DDX60L: variants seen among roughly 807,000 people sequenced by gnomAD.
The protein encoded by DDX60L is DExD/H-box 60 like.
In DDX60L, 191 loss-of-function variants were observed where a neutral mutation model predicts 211.6. That is an observed-to-expected ratio of 0.90 (90% CI 0.80 to 1.02). The LOEUF is 1.02. DDX60L is among the 50% of genes least tolerant of loss of function. DDX60L has a pLI of 0.00. For synonymous variants in DDX60L, 706 were observed against 694.1 expected (o/e 1.02, Z -0.27); for missense variants, 2,007 against 1,984.1 (o/e 1.01, Z -0.22).
rs756392404 is a variant in DDX60L at position 168,394,606 on chromosome 4, C to A, written c.3669G>T (p.Arg1223Ser). 28 of 1,599,294 alleles carry A rather than the reference C, an allele frequency of 1.8e-5. No homozygotes were observed. The highest frequency in any genetic ancestry group is 2.3e-5 in the Non-Finnish European group (27 of 1,176,106). ...TTGTAAATCGCACTCGCGGTAATAC[C>A]CTCTCCAAAGTCTAAAACAAGAAAG... Reference protein sequence around the residue: ...ITRNKDSTLERVLPRVRFTRH... With the variant: ...ITRNKDSTLESVLPRVRFTRH... Residue 1223 changes from arginine to serine, a missense_variant, in exon 28 of 38, where the codon AGG becomes AGT. By Grantham distance (110) the Arg-to-Ser change is moderately radical. Coordinates refer to ENST00000682922, the MANE Select transcript of DDX60L (RefSeq NM_001012967.3).
intron 29 of DDX60L, among the ~76,000 whole-genome samples, chr4:168,389,284 G>A (rs957185847): frequency 3.3e-5 from 5 of 152,114 alleles, no homozygotes; most frequent in Admixed American, 6.6e-5. Context: ...CCATTTGAGG[G>A]AATATATAAA....
chr4:168,369,485 A>AC (rs1053182284), intron 36 of DDX60L, among the ~76,000 whole-genome samples: 2 of 58,022 alleles, frequency 3.4e-5, no homozygotes, highest in African/African-American at 1.7e-4. Flanking sequence ...AAAAAAAACA[A>AC]AAAAAAAAAA....
intron 1 of DDX60L, among the ~76,000 whole-genome samples, chr4:168,476,384 T>A (rs970911139): frequency 6.6e-6 from 1 of 152,148 alleles, no homozygotes; most frequent in Admixed American, 6.5e-5. Flanking sequence ...CAATGAATAC[T>A]AATACCATAA....
chr4:168,426,465 T>C (rs996538272), intron 14 of DDX60L, among the ~76,000 whole-genome samples: 1 of 151,794 alleles, frequency 6.6e-6, no homozygotes, highest in African/African-American at 2.4e-5. Flanking sequence ...AAATATTTTA[T>C]AATGGGTCTC....
intron 36 of DDX60L, among the ~76,000 whole-genome samples, chr4:168,363,660 A>T (rs78891995): frequency 6.6e-6 from 1 of 152,212 alleles, no homozygotes; most frequent in South Asian, 2.1e-4. Context: ...AAGACTCTTT[A>T]TGTTAGCACA....
chr4:168,419,584 GCTT>G (rs568139544), intron 18 of DDX60L, among the ~76,000 whole-genome samples, 187 bp from the exon 19 acceptor site: 1 of 152,136 alleles, frequency 6.6e-6, no homozygotes, highest in Non-Finnish European at 1.5e-5. Flanking sequence ...ATGAAAAAGA[GCTT>G]CTACTCTGTA....
At position 168,427,093 on chromosome 4, in the gene DDX60L, C is replaced by T; in HGVS notation, c.1907G>A (p.Trp636Ter). Residue 636 changes from tryptophan (W) to a stop codon, truncating the protein, a stop_gained, in exon 14 of 38, where the codon TGG becomes TAG. Coordinates refer to ENST00000682922, the MANE Select transcript of DDX60L (RefSeq NM_001012967.3). LOFTEE classifies it high-confidence loss of function. ...ACCTTCACCTCGGCAATGTTTTTTCCATGCTTTAAAGCAGGCAATTAATCC... is the reference window on the plus strand; with the variant it reads ...ACCTTCACCTCGGCAATGTTTTTTCTATGCTTTAAAGCAGGCAATTAATCC... The part of the protein sequence containing the change: ...MLGLIACFKA[W>*]KKHCRGEGKI... 1 of 1,604,894 alleles carries T rather than the reference C, an allele frequency of 6.2e-7. No individual in the cohort carries two copies. The highest frequency in any genetic ancestry group is 8.5e-7 in the Non-Finnish European group (1 of 1,174,762).
Position 168,453,174 on chromosome 4 carries a change from G to C in DDX60L, c.946C>G (p.Arg316Gly), listed in dbSNP as rs545249227. The change falls in exon 8 of 38, where the codon CGA becomes GGA. Residue 316 changes from arginine to glycine, a missense_variant. By Grantham distance (125) the Arg-to-Gly change is moderately radical (BLOSUM62 -2). Transcript: ENST00000682922. ...HLPLSQRACSRVITCSWIRNS... is the reference protein window; with the variant it reads ...HLPLSQRACSGVITCSWIRNS... ...CTAATCCAAGAGCATGTGATGACTC[G>C]AGAACAAGCTCTCTGAGAAAGGGGT... The C allele has an allele frequency of 6.2e-7, 1 of 1,613,192 alleles. No homozygotes were observed. The highest frequency in any genetic ancestry group is 1.7e-5 in the Admixed American group (1 of 59,876).
At chr4:168,366,441 T>C (rs1272768155) in intron 36 of DDX60L, among the ~76,000 whole-genome samples, 1 of 152,036 alleles carries the variant, frequency 6.6e-6, no homozygotes, top group Non-Finnish European at 1.5e-5. Flanking sequence ...AAAAGATCTC[T>C]ACACTGAAAA....
chr4:168,442,309 G>A (rs1360502322), intron 9 of DDX60L, among the ~76,000 whole-genome samples: 5 of 152,262 alleles, frequency 3.3e-5, no homozygotes, highest in South Asian at 4.1e-4. Flanking sequence ...CTTAAAAAAC[G>A]GCGCACCACG....
chr4:168,370,527 G>A (rs1740818723), intron 36 of DDX60L, among the ~76,000 whole-genome samples: 2 of 151,998 alleles, frequency 1.3e-5, no homozygotes, highest in African/African-American at 4.8e-5. Flanking sequence ...GCACAGTAAG[G>A]TACGTATAGT....
chr4:168,369,498 A>G (rs1740606439), intron 36 of DDX60L, among the ~76,000 whole-genome samples: 1 of 151,492 alleles, frequency 6.6e-6, no homozygotes, highest in Non-Finnish European at 1.5e-5. Flanking sequence ...AAAAAAAAAC[A>G]GCAGAAAAAC....
chr4:168,452,342 T>C (rs551877624), intron 8 of DDX60L, among the ~76,000 whole-genome samples: 23 of 152,360 alleles, frequency 1.5e-4, no homozygotes, highest in Non-Finnish European at 2.9e-4. Flanking sequence ...GTAGCATTTA[T>C]GATACAAAAG....
In DDX60L at chr4:168,416,710, T is replaced by A. The variant is rs779009900; in HGVS notation, c.2698A>T (p.Thr900Ser). Residue 900 changes from threonine to serine, a missense_variant, in exon 20 of 38, where the codon ACC becomes TCC. Transcript: ENST00000682922. ...GTGAGAAGATTTGGGTTATTTATGG[T>A]AGCTGAAAGAACCAAAAAGGGACAT... Reference protein sequence around the residue: ...IRCPFLVLSATINNPNLLTKW... With the variant: ...IRCPFLVLSASINNPNLLTKW... 1 of 1,602,048 alleles carries A rather than the reference T, an allele frequency of 6.2e-7. No homozygotes were observed. The highest frequency in any genetic ancestry group is 1.1e-5 in the South Asian group (1 of 87,984).
chr4:168,380,141 C>A, intron 30 of DDX60L: 1 of 229,286 alleles, frequency 4.4e-6, no homozygotes, highest in Non-Finnish European at 8.4e-6. Flanking sequence ...ATCCGGCTTA[C>A]AAGATTAGTT....
chr4:168,405,691 G>A (rs948610280), intron 24 of DDX60L, among the ~76,000 whole-genome samples: 6 of 152,220 alleles, frequency 3.9e-5, no homozygotes, highest in Admixed American at 1.3e-4. Context: ...AAGGTTCTTC[G>A]TTTTTAGCTG....
chr4:168,414,332 T>C (rs887655840), intron 22 of DDX60L, among the ~76,000 whole-genome samples: 8 of 152,134 alleles, frequency 5.3e-5, no homozygotes, highest in Non-Finnish European at 8.8e-5. Flanking sequence ...ATTATAACAT[T>C]GTAATTGTGA....
chr4:168,369,563 C>T (rs1213464592), intron 36 of DDX60L, among the ~76,000 whole-genome samples: 7 of 149,492 alleles, frequency 4.7e-5, no homozygotes, highest in Non-Finnish European at 7.4e-5. Context: ...AAAACAGAAG[C>T]AATAAAAGCA....
intron 8 of DDX60L, among the ~76,000 whole-genome samples, chr4:168,449,719 C>A (rs1463991658): frequency 3.4e-5 from 3 of 89,040 alleles, no homozygotes; most frequent in Admixed American, 1.1e-4. Flanking sequence ...GAGGCTGAAA[C>A]TGAAAAGAGT....
Sources: allele counts gnomAD v4.1 joint callset (sites outside exome capture counted in the v4.1 genomes callset), GRCh38; gene constraint gnomAD v4.1.1; transcripts MANE v1.5; gene names NCBI Gene and HGNC (gene_info 2026-07-23, HGNC 2026-07-21).